TGFBR3: variants seen among roughly 807,000 people sequenced by gnomAD.
The protein encoded by TGFBR3 is transforming growth factor beta receptor type 3.
TGFBR3 carries 46 observed loss-of-function variants against 87.9 expected under a neutral mutation model. That is an observed-to-expected ratio of 0.52 (90% CI 0.41 to 0.67). TGFBR3 has a LOEUF of 0.67. TGFBR3 is among the 30% of genes least tolerant of loss of function. The pLI, the probability that TGFBR3 is intolerant of heterozygous loss-of-function variation, is 0.00. For synonymous variants in TGFBR3, 381 were observed against 391.6 expected (o/e 0.97, Z 0.32); for missense variants, 866 against 1,041.9 (o/e 0.83, Z 2.32).
chr1:91,727,113 C>A (rs192394129), intron 7 of TGFBR3, among the ~76,000 whole-genome samples: 53 of 152,274 alleles, frequency 3.5e-4, no homozygotes, highest in Non-Finnish European at 6.5e-4. Context: ...TACTGTGATT[C>A]TTCTATCAGT....
chr1:91,866,818 T>C (rs1678407000), intron 1 of TGFBR3: 1 of 152,232 alleles, frequency 6.6e-6, no homozygotes, highest in Non-Finnish European at 1.5e-5. Flanking sequence ...GAGGAAGCAT[T>C]ACAGGAGGGA....
intron 4 of TGFBR3, among the ~76,000 whole-genome samples, chr1:91,735,425 C>G (rs72965095): frequency 6.6e-6 from 1 of 152,212 alleles, no homozygotes; most frequent in South Asian, 2.1e-4. Flanking sequence ...CATCTGCCAA[C>G]AGAGTCATCA....
At chr1:91,716,447 G>T (rs1240825175) in intron 11 of TGFBR3, 53 bp from the exon 12 acceptor site, 9 of 1,613,494 alleles carry the variant, frequency 5.6e-6, no homozygotes, top group African/African-American at 4.0e-5. Context: ...AAGGATGAAG[G>T]CCCTGTAGCT....
chr1:91,861,576 C>A lies in TGFBR3; in HGVS notation c.-45G>T, dbSNP rs762340856. The A allele has an allele frequency of 6.8e-7, 1 of 1,471,382 alleles. No homozygotes were observed. The highest frequency in any genetic ancestry group is 2.3e-5 in the East Asian group (1 of 44,020). The allele number at this position is 1,471,382 out of a possible 1,614,324, so 91.1% of individuals were successfully genotyped here. On this transcript the variant is annotated 5_prime_UTR_variant, in exon 2 of 17. Coordinates refer to ENST00000212355, the MANE Select transcript of TGFBR3 (RefSeq NM_003243.5). ...CGTCTCGTCCAGTCACTTCAGCCTG[C>A]TCAGAGCACAGACAATCTTTGCAAA...
At chr1:91,870,993 C>T (rs941108623) in intron 1 of TGFBR3, among the ~76,000 whole-genome samples, 2 of 151,482 alleles carry the variant, frequency 1.3e-5, no homozygotes, top group Non-Finnish European at 2.9e-5. Flanking sequence ...GCTACAATGG[C>T]ACCACTGCAC....
chr1:91,847,893 G>A (rs1341628346), intron 2 of TGFBR3, among the ~76,000 whole-genome samples: 2 of 152,112 alleles, frequency 1.3e-5, no homozygotes, highest in Admixed American at 1.3e-4. Flanking sequence ...GGCAAGAAAT[G>A]AGACAAGGCA....
rs765527206 is a variant in TGFBR3 at position 91,722,051 on chromosome 1, G to A, written c.979C>T (p.Leu327=). The change falls in exon 8 of 17, where the codon CTG becomes TTG. Residue 327 remains leucine, a synonymous_variant. Transcript: ENST00000212355. ...CCATTGTCCAAAGCCCACTTCACCAGATTCCCTTGGGTTGAAGGAATGTCA... is the reference window on the plus strand; with the variant it reads ...CCATTGTCCAAAGCCCACTTCACCAAATTCCCTTGGGTTGAAGGAATGTCA... ...RDDIPSTQGN[L]VKWALDNGYS... 1.2e-6 allele frequency: 2 copies of A among 1,613,902 alleles called. No homozygotes were observed. The highest frequency in any genetic ancestry group is 1.7e-6 in the Non-Finnish European group (2 of 1,179,896).
At chr1:91,705,593 C>G (rs1420706551) in intron 14 of TGFBR3, among the ~76,000 whole-genome samples, 1 of 152,098 alleles carries the variant, frequency 6.6e-6, no homozygotes, top group African/African-American at 2.4e-5. Context: ...CTCCAGTGGT[C>G]TGCATTGAGG....
chr1:91,774,428 G>A (rs1005521523), intron 3 of TGFBR3, among the ~76,000 whole-genome samples: 1 of 152,132 alleles, frequency 6.6e-6, no homozygotes, highest in Admixed American at 6.5e-5. Context: ...AAGCCACTGC[G>A]CCCGGCCTAG....
At position 91,754,612 on chromosome 1, in the gene TGFBR3, C is replaced by T. The variant is rs77506334; in HGVS notation, c.384+4001G>A. ...AATCCCACTTTCTCCCTGCCTGACA[C>T]GTTCCCTTCTTGCCTGTGCTGTGAG... On this transcript the variant is annotated intron_variant, in intron 4 of 16. Coordinates refer to ENST00000212355, the MANE Select transcript of TGFBR3 (RefSeq NM_003243.5). Among the ~76,000 whole-genome samples, 1,094 of 152,246 alleles carry T rather than the reference C, an allele frequency of 7.2e-3. 14 individuals carry two copies. Among genetic ancestry groups the T allele is most frequent in the African/African-American group, 0.025 (1,036 of 41,548 alleles).
At position 91,720,086 on chromosome 1, in the gene TGFBR3, T is replaced by C; in HGVS notation, c.1220A>G (p.Asp407Gly). 6.2e-7 allele frequency: 1 copy of C among 1,614,152 alleles called. No individual in the cohort carries two copies. The highest frequency in any genetic ancestry group is 8.5e-7 in the Non-Finnish European group (1 of 1,180,026). The change falls in exon 9 of 17, where the codon GAT becomes GGT. Residue 407 changes from aspartate to glycine, a missense_variant. Coordinates refer to ENST00000212355, the MANE Select transcript of TGFBR3 (RefSeq NM_003243.5). The stretch of plus-strand genomic sequence containing the variant: ...TTCATTCCAGACTCTCCTGGAAATA[T>C]CTGGGAAAGGAAACGGAAGGCCTCC... ...QNGGLPFPFP[D>G]ISRRVWNEEG... is the part of the protein sequence containing the mutation.
rs371201988 is a variant in TGFBR3, at chr1:91,686,908, G to A, written c.2438-3051C>T. Reference sequence around the variant, plus strand: ...CACATCTAAGAAATTCAAGGAGGGCGCCTTGCTTGTAAATAAATATCAGAC... The same window carrying A: ...CACATCTAAGAAATTCAAGGAGGGCACCTTGCTTGTAAATAAATATCAGAC... On this transcript the variant is annotated intron_variant, in intron 16 of 16. Transcript: ENST00000212355. 6.7e-4 allele frequency among the ~76,000 whole-genome samples: 102 copies of A among 152,308 alleles called. 1 individual carries two copies. In the South Asian group the frequency reaches 0.012, roughly 18 times the overall value.
In TGFBR3 at chr1:91,849,832, C is replaced by T. The variant is rs536963538; in HGVS notation, c.61+11639G>A. Among the ~76,000 whole-genome samples, 7 of 151,994 alleles carry T rather than the reference C, an allele frequency of 4.6e-5. No individual in the cohort carries two copies. The East Asian group carries it at 1.4e-3, about 29-fold the overall frequency. ...GCGAGGTGGCTCACGCCTGTAATCCCAGCACTTTGGGAGGCCGAGGCGGGC... is the reference window on the plus strand; with the variant it reads ...GCGAGGTGGCTCACGCCTGTAATCCTAGCACTTTGGGAGGCCGAGGCGGGC... On this transcript the variant is annotated intron_variant, in intron 2 of 16. Coordinates refer to ENST00000212355, the MANE Select transcript of TGFBR3 (RefSeq NM_003243.5).
Position 91,800,241 on chromosome 1 carries a change from A to AAT in TGFBR3, c.62-2772_62-2771dup, listed in dbSNP as rs1402997279. Among the ~76,000 whole-genome samples, 274 of 129,406 alleles carry AAT rather than the reference A, an allele frequency of 2.1e-3. 2 individuals carry two copies. Among genetic ancestry groups the AAT allele is most frequent in the African/African-American group, 7.4e-3 (235 of 31,746 alleles). 84.9% of individuals were successfully genotyped at this position (129,406 alleles called of 152,430 possible). A position where few individuals can be genotyped will look rare whatever the true frequency, so the allele number is the denominator to read the frequency against. On this transcript the variant is annotated intron_variant, in intron 2 of 16. Transcript: ENST00000212355. ...ACCCCATCTCTACAAAAAAAAAAAA[A>AAT]ATATATATATATATACACACACACA...
intron 3 of TGFBR3, among the ~76,000 whole-genome samples, chr1:91,786,753 A>G (rs900225944): frequency 9.2e-5 from 14 of 151,652 alleles, no homozygotes; most frequent in Non-Finnish European, 4.4e-5. Context: ...TGTGTCTCCA[A>G]AAAAAAAGAC....
intron 2 of TGFBR3, among the ~76,000 whole-genome samples, chr1:91,814,166 G>T (rs1275811658): frequency 6.6e-6 from 1 of 152,124 alleles, no homozygotes; most frequent in Middle Eastern, 3.4e-3. Flanking sequence ...TAGAAGTCGG[G>T]GTCCAAATTC....
At position 91,785,799 on chromosome 1, in the gene TGFBR3, G is replaced by A. The variant is rs1021258207; in HGVS notation, c.246+11488C>T. Among the ~76,000 whole-genome samples, 4 of 145,656 alleles carry A rather than the reference G, an allele frequency of 2.7e-5. 1 individual carries two copies. Among genetic ancestry groups the A allele is most frequent in the African/African-American group, 1.0e-4 (4 of 39,056 alleles). On this transcript the variant is annotated intron_variant, in intron 3 of 16. Transcript: ENST00000212355. ...TTTTTTTTTTTTTAGACAGCGTCTC[G>A]CTCTGTCTCCCAGGTTGGAGTGCAG...
chr1:91,883,539 G>A (rs1369478927), intron 1 of TGFBR3, among the ~76,000 whole-genome samples: 2 of 151,962 alleles, frequency 1.3e-5, no homozygotes, highest in Non-Finnish European at 2.9e-5. Context: ...TCTAAAAACG[G>A]GTTTATGCGC....
In TGFBR3 at chr1:91,772,511, G is replaced by A. The variant is rs570362633; in HGVS notation, c.247-13761C>T. 6.6e-5 allele frequency among the ~76,000 whole-genome samples: 10 copies of A among 152,276 alleles called. No homozygotes were observed. The East Asian group carries it at 1.9e-3, about 29-fold the overall frequency. On this transcript the variant is annotated intron_variant, in intron 3 of 16. Transcript: ENST00000212355. ...CATAGTCCCTCAATAAACACTTGTT[G>A]AGTTTGGGGTATAACCATAAACTAT...
Sources: allele counts gnomAD v4.1 joint callset (sites outside exome capture counted in the v4.1 genomes callset), GRCh38; gene constraint gnomAD v4.1.1; transcripts MANE v1.5; gene names NCBI Gene and HGNC (gene_info 2026-07-23, HGNC 2026-07-21).